THSD4: variants seen among roughly 807,000 people sequenced by gnomAD.
The protein encoded by THSD4 is thrombospondin type 1 domain containing 4.
Under a neutral mutation model 119.0 loss-of-function variants are expected in THSD4, and 69 were observed. That is an observed-to-expected ratio of 0.58 (90% confidence interval 0.48 to 0.71). The LOEUF (loss-of-function observed/expected upper bound fraction) is 0.71. THSD4 is among the 30% of genes least tolerant of loss of function. The pLI is 0.00. For synonymous variants in THSD4, 524 were observed against 540.4 expected, an observed-to-expected ratio of 0.97 and a Z score of 0.42; for missense variants, 1,393 against 1,391.1, an observed-to-expected ratio of 1.00 and a Z score of -0.02.
intron 7 of THSD4, among the ~76,000 whole-genome samples, chr15:71,506,787 A>G (rs1024454403): frequency 5.3e-5 from 8 of 152,162 alleles, no homozygotes; most frequent in Non-Finnish European, 7.3e-5. Context: ...TGCCAGCTCC[A>G]TGGGGTTTGT....
chr15:71,414,999 G>T (rs1418474813), intron 7 of THSD4, among the ~76,000 whole-genome samples: 1 of 152,204 alleles, frequency 6.6e-6, no homozygotes, highest in African/African-American at 2.4e-5. Context: ...AGGGTAAAGT[G>T]TCCTTTTCTA....
chr15:71,265,018 C>T (rs544982187), intron 6 of THSD4, among the ~76,000 whole-genome samples: 1 of 152,128 alleles, frequency 6.6e-6, no homozygotes, highest in Non-Finnish European at 1.5e-5. Context: ...GGGCCCTGAT[C>T]TGATAGGATT....
At chr15:71,729,206 A>G (rs146613842) in intron 9 of THSD4, 1 of 158,594 alleles carries the variant, frequency 6.3e-6, no homozygotes, top group Non-Finnish European at 1.4e-5. Flanking sequence ...GAAACAATAA[A>G]GCTGAGAGTC....
Position 71,554,576 on chromosome 15 carries a change from C to T in THSD4, c.1153-105954C>T, listed in dbSNP as rs185710492. Reference sequence around the variant, plus strand: ...GCTAATTTTTTACTTTTTGTAGAGACAGGGTCTCACTGTGTTACTGTGTTG... The same window carrying T: ...GCTAATTTTTTACTTTTTGTAGAGATAGGGTCTCACTGTGTTACTGTGTTG... On this transcript the variant is annotated intron_variant, in intron 7 of 17. Coordinates refer to ENST00000261862, the MANE Select transcript of THSD4 (RefSeq NM_024817.3). 4.0e-4 allele frequency among the ~76,000 whole-genome samples: 61 copies of T among 152,224 alleles called. 2 individuals are homozygous for T. In the East Asian group the frequency reaches 0.011, roughly 29 times the overall value.
At chr15:71,253,564 T>C (rs952738354) in intron 5 of THSD4, among the ~76,000 whole-genome samples, 3 of 152,050 alleles carry the variant, frequency 2.0e-5, no homozygotes, top group African/African-American at 7.2e-5. Context: ...CATGCCACCA[T>C]GCCCGGCTAA....
Position 71,781,018 on chromosome 15 carries a change from T to A in THSD4, c.*3644T>A, listed in dbSNP as rs2053990418. 1 of 328,734 alleles carries A rather than the reference T, an allele frequency of 3.0e-6. No homozygotes were observed. The highest frequency in any genetic ancestry group is 7.5e-5 in the East Asian group (1 of 13,306). The allele number at this position is 328,734 out of a possible 1,614,324, so 20.4% of individuals were successfully genotyped here. A position where few individuals can be genotyped will look rare whatever the true frequency, so the allele number is the denominator to read the frequency against. ...TCTAATGAGGAGGAAGACATAAATA[T>A]AAGTGGTAAAAAGAAACATGACTTC... On this transcript the variant is annotated 3_prime_UTR_variant, in exon 18 of 18. Coordinates refer to ENST00000261862, the MANE Select transcript of THSD4 (RefSeq NM_024817.3).
At chr15:71,553,984 G>A (rs1278985043) in intron 7 of THSD4, among the ~76,000 whole-genome samples, 4 of 151,574 alleles carry the variant, frequency 2.6e-5, no homozygotes, top group African/African-American at 9.7e-5. Flanking sequence ...ATTTTATTGT[G>A]CTAGACCAGG....
chr15:71,439,875 G>A (rs996437695), intron 7 of THSD4, among the ~76,000 whole-genome samples: 41 of 152,108 alleles, frequency 2.7e-4, no homozygotes, highest in African/African-American at 9.2e-4. Context: ...GGGTGTGGGG[G>A]GCTAGGAGAG....
intron 7 of THSD4, among the ~76,000 whole-genome samples, chr15:71,442,642 A>ATGTG (rs1289076777): frequency 2.4e-4 from 6 of 24,726 alleles, no homozygotes; most frequent in African/African-American, 8.2e-4. Flanking sequence ...ATGTGTGTGT[A>ATGTG]TATGTGTGTG....
intron 7 of THSD4, among the ~76,000 whole-genome samples, chr15:71,598,350 C>A (rs1464118354): frequency 2.6e-5 from 4 of 152,094 alleles, no homozygotes; most frequent in African/African-American, 9.7e-5. Flanking sequence ...AAACGGGACA[C>A]ATCCCTGAGG....
At chr15:71,731,932 C>A (rs1156629776) in intron 10 of THSD4, 2 of 152,296 alleles carry the variant, frequency 1.3e-5, no homozygotes, top group African/African-American at 4.8e-5. Context: ...CTCGCCTTTT[C>A]CAACTTCTAG....
chr15:71,340,939 T>TA (rs1191196458), intron 6 of THSD4, among the ~76,000 whole-genome samples: 3 of 152,122 alleles, frequency 2.0e-5, no homozygotes, highest in Non-Finnish European at 2.9e-5. Context: ...GGAGTTCACT[T>TA]ATGAAAACGG....
intron 7 of THSD4, among the ~76,000 whole-genome samples, chr15:71,415,804 T>C (rs572748979): frequency 2.6e-5 from 4 of 152,154 alleles, no homozygotes; most frequent in Non-Finnish European, 5.9e-5. Flanking sequence ...TTTTTGTTTG[T>C]TTGTTTTTTT....
chr15:71,404,082 T>C (rs897351282), intron 6 of THSD4, among the ~76,000 whole-genome samples: 2 of 152,256 alleles, frequency 1.3e-5, no homozygotes, highest in South Asian at 2.1e-4. Context: ...CTTTTCCTTT[T>C]TGTAAAATCA....
chr15:71,569,059 C>A, intron 7 of THSD4, among the ~76,000 whole-genome samples: 1 of 152,184 alleles, frequency 6.6e-6, no homozygotes, highest in East Asian at 1.9e-4. Context: ...TAACATCCCC[C>A]AAAATGCCTT....
chr15:71,748,687 G>A, intron 14 of THSD4, 93 bp downstream of exon 14: 2 of 1,465,726 alleles, frequency 1.4e-6, no homozygotes, highest in Non-Finnish European at 1.8e-6. Flanking sequence ...AGAATCCCAA[G>A]ACTGATTTCT....
intron 10 of THSD4, among the ~76,000 whole-genome samples, chr15:71,736,362 G>A (rs1406272014): frequency 3.0e-5 from 4 of 134,784 alleles, no homozygotes; most frequent in Admixed American, 3.0e-4. Context: ...TTGCTCTCTT[G>A]CTCTCTGTTT....
At chr15:71,684,048 G>A (rs1009370293) in intron 8 of THSD4, among the ~76,000 whole-genome samples, 15 of 152,170 alleles carry the variant, frequency 9.9e-5, no homozygotes, top group African/African-American at 3.1e-4. Context: ...ACATCTGCCA[G>A]TGAAGTTTTG....
At chr15:71,277,370 C>G (rs1437810236) in intron 6 of THSD4, among the ~76,000 whole-genome samples, 1 of 152,156 alleles carries the variant, frequency 6.6e-6, no homozygotes, top group Non-Finnish European at 1.5e-5. Context: ...AGGTGGTCTG[C>G]TCACCTTGGC....
Sources: gnomAD v4.1 joint callset for allele counts (sites outside exome capture counted in the v4.1 genomes callset) on GRCh38, gnomAD v4.1.1 for gene constraint, MANE v1.5 for transcripts, NCBI Gene and HGNC (gene_info 2026-07-23, HGNC 2026-07-21) for gene names.